The following CORIN variants were observed in gnomAD, a reference collection of about 807,000 sequenced individuals.
CORIN encodes atrial natriuretic peptide-converting enzyme.
A neutral mutation model predicts 125.3 loss-of-function variants in CORIN; 117 were observed. The ratio of observed to expected loss-of-function variants is 0.93; its 90% CI spans 0.80 to 1.09. The LOEUF (loss-of-function observed/expected upper bound fraction) is 1.09. CORIN is among the 50% of genes least tolerant of loss of function. The pLI is 0.00. For missense variants in CORIN, 1,253 were observed against 1,306.7 expected (o/e 0.96, Z 0.63); for synonymous variants, 450 against 466.4 (o/e 0.96, Z 0.45).
intron 5 of CORIN, among the ~76,000 whole-genome samples, chr4:47,725,751 T>C (rs1314495972): frequency 2.6e-5 from 4 of 152,022 alleles, no homozygotes; most frequent in Non-Finnish European, 5.9e-5. Context: ...CATTAAAAAA[T>C]TGGTAAATAA....
chr4:47,636,846 C>T (rs28729388), intron 16 of CORIN, among the ~76,000 whole-genome samples: 60,650 of 151,904 alleles, frequency 0.4, 12,426 homozygotes, highest in East Asian at 0.58. Flanking sequence ...TTGGTACCAG[C>T]AGAGTGGGGT....
intron 19 of CORIN, among the ~76,000 whole-genome samples, chr4:47,623,122 A>ACACACT: frequency 6.7e-6 from 1 of 149,594 alleles, no homozygotes; most frequent in Non-Finnish European, 1.5e-5. Flanking sequence ...ATATATACAC[A>ACACACT]CACACACACA....
At chr4:47,640,807 C>A (rs898804269) in intron 16 of CORIN, among the ~76,000 whole-genome samples, 1 of 152,108 alleles carries the variant, frequency 6.6e-6, no homozygotes, top group Non-Finnish European at 1.5e-5. Flanking sequence ...CAGTTTCAAC[C>A]TTATACCAAT....
chr4:47,670,647 CT>C (rs1193762862), intron 10 of CORIN, among the ~76,000 whole-genome samples: 6 of 152,164 alleles, frequency 3.9e-5, no homozygotes, highest in Admixed American at 6.5e-5. Context: ...ACAGCCATGC[CT>C]GGATTTCACA....
chr4:47,722,982 T>C (rs924162643), intron 5 of CORIN, among the ~76,000 whole-genome samples: 1 of 152,228 alleles, frequency 6.6e-6, no homozygotes, highest in Non-Finnish European at 1.5e-5. Context: ...AACAAAATCA[T>C]GGAACTGTGC....
At chr4:47,757,582 G>A (rs1011978087) in intron 4 of CORIN, among the ~76,000 whole-genome samples, 8 of 151,816 alleles carry the variant, frequency 5.3e-5, no homozygotes, top group Non-Finnish European at 7.4e-5. Flanking sequence ...GCAGCAGAGC[G>A]AGACCCTGCC....
At chr4:47,782,909 G>A (rs1730619481) in intron 3 of CORIN, among the ~76,000 whole-genome samples, 1 of 151,722 alleles carries the variant, frequency 6.6e-6, no homozygotes, top group African/African-American at 2.4e-5. Flanking sequence ...GGGGAAATAA[G>A]GGACAGGGAA....
chr4:47,827,845 G>A (rs1488925275), intron 1 of CORIN, among the ~76,000 whole-genome samples: 1 of 152,158 alleles, frequency 6.6e-6, no homozygotes, highest in African/African-American at 2.4e-5. Flanking sequence ...GCCATCTGGT[G>A]GAAGAGCCCT....
At position 47,785,924 on chromosome 4, in the gene CORIN, A is replaced by AC. The variant is rs1162560817; in HGVS notation, c.409+800_409+801insG. Reference sequence around the variant, plus strand: ...GACTCCATCTCAAAAAAAAAAAAAAAAAAAAAGGTAAATAGGGGGATAGCT... The same window carrying AC: ...GACTCCATCTCAAAAAAAAAAAAAAACAAAAAAGGTAAATAGGGGGATAGCT... On this transcript the variant is annotated intron_variant, in intron 3 of 21. Transcript: ENST00000273857. Among the ~76,000 whole-genome samples the AC allele has an allele frequency of 1.7e-3, 264 of 151,954 alleles. 2 individuals carry two copies. Among genetic ancestry groups the AC allele is most frequent in the African/African-American group, 5.7e-3 (238 of 41,428 alleles).
intron 5 of CORIN, among the ~76,000 whole-genome samples, chr4:47,700,645 C>T (rs1290025898): frequency 1.3e-5 from 2 of 152,172 alleles, no homozygotes; most frequent in Admixed American, 6.5e-5. Context: ...AGACAGAACG[C>T]GCCATTGTGT....
intron 1 of CORIN, among the ~76,000 whole-genome samples, chr4:47,820,322 C>T (rs1341207451): frequency 6.6e-6 from 1 of 151,932 alleles, no homozygotes; most frequent in Non-Finnish European, 1.5e-5. Context: ...GAGCTTGGGT[C>T]TGGGGTTTGA....
intron 4 of CORIN, among the ~76,000 whole-genome samples, chr4:47,751,963 C>G (rs139397658): frequency 0.012 from 1,824 of 151,936 alleles, 21 homozygotes; most frequent in Non-Finnish European, 0.021. Flanking sequence ...CAGGCCCCCC[C>G]ACCCACACTC....
At chr4:47,775,451 G>A (rs1263634489) in intron 3 of CORIN, among the ~76,000 whole-genome samples, 7 of 152,032 alleles carry the variant, frequency 4.6e-5, no homozygotes, top group Non-Finnish European at 1.0e-4. Flanking sequence ...TCCCACCTAT[G>A]AGTGAGAACA....
At chr4:47,637,037 C>A (rs999537317) in intron 16 of CORIN, among the ~76,000 whole-genome samples, 2 of 152,124 alleles carry the variant, frequency 1.3e-5, no homozygotes, top group Admixed American at 1.3e-4. Flanking sequence ...AAAGTCCATG[C>A]TGAGGTGGTC....
intron 5 of CORIN, among the ~76,000 whole-genome samples, chr4:47,712,554 A>G (rs928724444): frequency 6.6e-6 from 1 of 152,146 alleles, no homozygotes; most frequent in Non-Finnish European, 1.5e-5. Flanking sequence ...AAGTGCTATG[A>G]TTTCAGGAGT....
At chr4:47,628,182 GCAC>G (rs1276940152) in intron 16 of CORIN, among the ~76,000 whole-genome samples, 8 of 152,236 alleles carry the variant, frequency 5.3e-5, no homozygotes, top group South Asian at 2.1e-4. Context: ...TAAACTTTCA[GCAC>G]CAGAAATGTC....
intron 1 of CORIN, among the ~76,000 whole-genome samples, chr4:47,837,056 CCTTT>C (rs1733469848): frequency 6.6e-6 from 1 of 152,234 alleles, no homozygotes; most frequent in African/African-American, 2.4e-5. Flanking sequence ...GGTGCCCTTC[CCTTT>C]CTTTCTCCTC....
rs9995657 is a variant in CORIN at position 47,836,832 on chromosome 4, G to A, written c.63+1055C>T. 3.1e-3 allele frequency among the ~76,000 whole-genome samples: 467 copies of A among 152,320 alleles called. 2 individuals are homozygous for A. Among genetic ancestry groups the A allele is most frequent in the African/African-American group, 0.01 (424 of 41,578 alleles). Reference sequence around the variant, plus strand: ...CCTGCCACGGGAGCTCAGGAACTGGGTCCCAGTAAGATCCGACAAGACACC... The same window carrying A: ...CCTGCCACGGGAGCTCAGGAACTGGATCCCAGTAAGATCCGACAAGACACC... On this transcript the variant is annotated intron_variant, in intron 1 of 21. Transcript: ENST00000273857.
chr4:47,797,967 C>T (rs1429712814), intron 2 of CORIN, among the ~76,000 whole-genome samples: 2 of 152,176 alleles, frequency 1.3e-5, no homozygotes, highest in East Asian at 3.9e-4. Flanking sequence ...CAGACTATAA[C>T]TAATGAAATA....
Sources: gnomAD v4.1 joint callset for allele counts (sites outside exome capture counted in the v4.1 genomes callset) on GRCh38, gnomAD v4.1.1 for gene constraint, MANE v1.5 for transcripts, NCBI Gene and HGNC (gene_info 2026-07-23, HGNC 2026-07-21) for gene names.